The following EML1 variants were observed in gnomAD, a reference collection of about 807,000 sequenced individuals.
The protein encoded by EML1 is EMAP like 1.
Under a neutral mutation model 110.4 loss-of-function variants are expected in EML1, and 27 were observed. That is an observed-to-expected ratio of 0.24 (90% CI 0.18 to 0.34). EML1 has a LOEUF of 0.34. Among genes scored for constraint, EML1 ranks in the 10% least tolerant of loss-of-function variants. EML1 has a pLI of 1.00. For missense variants in EML1, 741 were observed against 1,030.9 expected (o/e 0.72, Z 3.85); for synonymous variants, 344 against 385.8 (o/e 0.89, Z 1.27).
chr14:99,813,775 A>G (rs1030336513), intron 1 of EML1, among the ~76,000 whole-genome samples: 4 of 152,178 alleles, frequency 2.6e-5, no homozygotes, highest in African/African-American at 9.7e-5. Flanking sequence ...CATTATACCA[A>G]TCCTAATCAA....
intron 9 of EML1, among the ~76,000 whole-genome samples, chr14:99,904,589 A>G (rs1283494218): frequency 6.6e-6 from 1 of 152,238 alleles, no homozygotes; most frequent in African/African-American, 2.4e-5. Context: ...TCTTTCATAT[A>G]TAAACATCAC....
chr14:99,851,525 T>C (rs1409644555), intron 2 of EML1, among the ~76,000 whole-genome samples: 2 of 152,216 alleles, frequency 1.3e-5, no homozygotes, highest in East Asian at 3.9e-4. Context: ...GCCAGGATGG[T>C]CTCGATCTCC....
chr14:99,749,533 G>T (rs1409708962), intron 1 of EML1, among the ~76,000 whole-genome samples: 1 of 152,212 alleles, frequency 6.6e-6, no homozygotes, highest in Admixed American at 6.5e-5. Context: ...CTGTGATGAG[G>T]GCTCAGTGAG....
At chr14:99,866,570 CAAAAAAAAAAAAAAAA>C (rs57796662) in intron 3 of EML1, among the ~76,000 whole-genome samples, 1 of 80,114 alleles carries the variant, frequency 1.2e-5, no homozygotes, top group Non-Finnish European at 2.3e-5. Context: ...AACTCCATCT[CAAAAAAAAAAAAAAAA>C]AAAAAAAAAA....
chr14:99,835,999 G>A (rs1465481195), intron 1 of EML1, among the ~76,000 whole-genome samples: 2 of 152,102 alleles, frequency 1.3e-5, no homozygotes, highest in African/African-American at 4.8e-5. Flanking sequence ...CTTCAGTTTT[G>A]TGTTGGCTAT....
At chr14:99,788,988 T>C (rs541435373), upstream of EML1, among the ~76,000 whole-genome samples, 1 of 152,256 alleles carries the variant, frequency 6.6e-6, no homozygotes, top group East Asian at 1.9e-4. Context: ...TGTATCAGAA[T>C]TCCCTTCCTT....
chr14:99,832,959 A>G (rs568082962), intron 1 of EML1, among the ~76,000 whole-genome samples: 9 of 152,230 alleles, frequency 5.9e-5, no homozygotes, highest in Non-Finnish European at 1.3e-4. Flanking sequence ...GGTGTATTTC[A>G]TGATGCTGAG....
At chr14:99,751,065 A>G (rs1858620101) in intron 1 of EML1, among the ~76,000 whole-genome samples, 1 of 152,100 alleles carries the variant, frequency 6.6e-6, no homozygotes, top group African/African-American at 2.4e-5. Flanking sequence ...AAAGAAAATT[A>G]AAAGAAACTA....
intron 1 of EML1, chr14:99,850,066 A>G (rs1291101349): frequency 1.4e-5 from 5 of 347,760 alleles, no homozygotes; most frequent in Non-Finnish European, 2.8e-5. Context: ...AGTAGCTGGT[A>G]CTACAGGCAC....
At chr14:99,853,970 C>G (rs2058857687) in intron 2 of EML1, among the ~76,000 whole-genome samples, 1 of 152,224 alleles carries the variant, frequency 6.6e-6, no homozygotes, top group Non-Finnish European at 1.5e-5. Context: ...CGCATCTGAC[C>G]TGCATTCTTA....
intron 1 of EML1, among the ~76,000 whole-genome samples, chr14:99,839,851 C>T (rs984714529): frequency 4.0e-4 from 61 of 152,132 alleles, no homozygotes; most frequent in Non-Finnish European, 7.9e-4. Flanking sequence ...TGGAGGTGAG[C>T]AGGACACAGG....
At chr14:99,775,664 GGAGTTGCGTTTTAGT>G (rs2057474082) in intron 1 of EML1, among the ~76,000 whole-genome samples, 1 of 152,202 alleles carries the variant, frequency 6.6e-6, no homozygotes, top group African/African-American at 2.4e-5. Flanking sequence ...TGATTGCATT[GGAGTTGCGTTTTAGT>G]GAGTGGCCCA....
At chr14:99,842,393 C>G (rs905286897) in intron 1 of EML1, among the ~76,000 whole-genome samples, 1 of 152,218 alleles carries the variant, frequency 6.6e-6, no homozygotes. Flanking sequence ...TCAGACAGCT[C>G]ATGCTGCTGC....
intron 1 of EML1, among the ~76,000 whole-genome samples, chr14:99,786,051 C>T: frequency 7.9e-6 from 1 of 127,220 alleles, no homozygotes. Context: ...CAGTCCACAC[C>T]CTGGCTGCTC....
rs2059996230 is a variant in EML1 at position 99,914,279 on chromosome 14, CAG to C, written c.1596_1597del (p.Asp534LeufsTer10). 1 of 1,613,708 alleles carries C rather than the reference CAG, an allele frequency of 6.2e-7. No homozygotes were observed. Among genetic ancestry groups the C allele is most frequent in the South Asian group, 1.1e-5 (1 of 91,066 alleles). ...AACTTTGTCCTGCAGGGCACTCTGT[CAG>C]GGGACTTCACACCCATTACTCAGGT... On this transcript the variant is annotated frameshift_variant, in exon 14 of 22. Transcript: ENST00000262233. LOFTEE classifies it high-confidence loss of function.
At chr14:99,838,856 G>A (rs928713353) in intron 1 of EML1, among the ~76,000 whole-genome samples, 2 of 150,458 alleles carry the variant, frequency 1.3e-5, no homozygotes, top group African/African-American at 2.5e-5. Context: ...AAGTGCCCAG[G>A]TCTTTTAGTT....
At chr14:99,854,928 C>T (rs1017745723) in intron 2 of EML1, among the ~76,000 whole-genome samples, 3 of 152,022 alleles carry the variant, frequency 2.0e-5, no homozygotes, top group Non-Finnish European at 2.9e-5. Context: ...CTGTTGTGAC[C>T]GTAAATACAG....
At chr14:99,909,174 C>A in intron 10 of EML1, 171 bp from the exon 11 acceptor site, 1 of 1,019,078 alleles carries the variant, frequency 9.8e-7, no homozygotes, top group Non-Finnish European at 1.5e-6. Context: ...AAGGCCCACA[C>A]CAGCATATGC....
chr14:99,771,755 T>C (rs2057430448), upstream of EML1, among the ~76,000 whole-genome samples: 1 of 152,178 alleles, frequency 6.6e-6, no homozygotes, highest in African/African-American at 2.4e-5. Flanking sequence ...GAGGCTACAG[T>C]GAACCATGAT....
Sources: allele counts gnomAD v4.1 joint callset (sites outside exome capture counted in the v4.1 genomes callset), GRCh38; gene constraint gnomAD v4.1.1; transcripts MANE v1.5; gene names NCBI Gene and HGNC (gene_info 2026-07-23, HGNC 2026-07-21).